Variants in SDK2 observed in about 807,000 individuals in gnomAD.
SDK2 encodes the protein protein sidekick-2.
A neutral mutation model predicts 253.9 loss-of-function variants in SDK2; 105 were observed. That is an observed-to-expected ratio of 0.41 (90% CI 0.35 to 0.49). The LOEUF (loss-of-function observed/expected upper bound fraction) is 0.49, where lower values mean the gene tolerates loss of function less well. Among genes scored for constraint, SDK2 ranks in the 20% least tolerant of loss-of-function variants. SDK2 has a pLI of 0.06. For synonymous variants in SDK2, 1,249 were observed against 1,234.9 expected, an observed-to-expected ratio of 1.01 and a Z score of -0.24; for missense variants, 2,608 against 3,003.0, an observed-to-expected ratio of 0.87 and a Z score of 3.07.
chr17:73,592,140 G>A (rs2045691282), intron 1 of SDK2, among the ~76,000 whole-genome samples: 1 of 152,220 alleles, frequency 6.6e-6, no homozygotes, highest in African/African-American at 2.4e-5. Context: ...CTGTCTACCA[G>A]TAGCCCTTGC....
intron 1 of SDK2, among the ~76,000 whole-genome samples, chr17:73,559,593 CCT>C: frequency 8.3e-6 from 1 of 121,066 alleles, no homozygotes; most frequent in African/African-American, 3.6e-5. Context: ...CACTCCGCTC[CCT>C]GTGCCCCCCG....
intron 15 of SDK2, 104 bp from the exon 16 acceptor site, chr17:73,419,410 G>A (rs1599548326): frequency 9.3e-6 from 12 of 1,285,942 alleles, no homozygotes; most frequent in African/African-American, 1.5e-5. Context: ...TGGATAATTC[G>A]GTACAACTGC....
chr17:73,449,979 C>G (rs2063480373), intron 4 of SDK2, among the ~76,000 whole-genome samples: 2 of 152,124 alleles, frequency 1.3e-5, no homozygotes, highest in Admixed American at 1.3e-4. Context: ...CAGGAGAGTC[C>G]TTTTAACCTC....
rs545623622 is a variant in SDK2, at chr17:73,365,190, G to T, written c.5305+68C>A. ...TCACTCATGTGTAGTGGCTGTGATG[G>T]GCGCTGAGATGAGAGCGAGCTTTTG... On this transcript the variant is annotated intron_variant, in intron 38 of 44. Coordinates refer to ENST00000392650, the MANE Select transcript of SDK2 (RefSeq NM_001144952.2). 2.6e-5 allele frequency: 32 copies of T among 1,242,892 alleles called. No individual in the cohort carries two copies. The African/African-American group carries it at 4.6e-4, about 18-fold the overall frequency. 77.0% of individuals were successfully genotyped at this position (1,242,892 alleles called of 1,614,324 possible).
intron 1 of SDK2, among the ~76,000 whole-genome samples, chr17:73,590,922 T>C (rs1278773787): frequency 6.6e-6 from 1 of 152,180 alleles, no homozygotes; most frequent in East Asian, 1.9e-4. Context: ...TGTTTATGTT[T>C]ATTTATTTAT....
At chr17:73,475,635 G>A (rs2063681237) in intron 2 of SDK2, among the ~76,000 whole-genome samples, 1 of 152,240 alleles carries the variant, frequency 6.6e-6, no homozygotes, top group Admixed American at 6.5e-5. Context: ...CATGTTATGA[G>A]AGGAGGTAGG....
chr17:73,610,446 A>G (rs1377511933), intron 1 of SDK2, among the ~76,000 whole-genome samples: 1 of 152,232 alleles, frequency 6.6e-6, no homozygotes, highest in African/African-American at 2.4e-5. Flanking sequence ...ATTTTGGCCC[A>G]GCACGCATTC....
At chr17:73,397,623 G>A (rs925635040) in intron 24 of SDK2, among the ~76,000 whole-genome samples, 9 of 152,308 alleles carry the variant, frequency 5.9e-5, no homozygotes, top group South Asian at 4.1e-4. Flanking sequence ...CACACAGCCC[G>A]GATCTGGGGA....
intron 1 of SDK2, among the ~76,000 whole-genome samples, chr17:73,592,217 G>T (rs1418324012): frequency 2.6e-5 from 4 of 152,232 alleles, no homozygotes; most frequent in Non-Finnish European, 5.9e-5. Flanking sequence ...CCACAGCCAT[G>T]CCTCCGTGGG....
At chr17:73,611,766 C>A (rs1473086195) in intron 1 of SDK2, among the ~76,000 whole-genome samples, 1 of 152,254 alleles carries the variant, frequency 6.6e-6, no homozygotes, top group African/African-American at 2.4e-5. Context: ...CTATTGGGAC[C>A]CACGTCCTTG....
intron 19 of SDK2, 65 bp downstream of exon 19, chr17:73,401,881 C>A: frequency 7.1e-7 from 1 of 1,414,936 alleles, no homozygotes. Context: ...CACCCTTCTG[C>A]CTGGGGCGCC....
At chr17:73,416,131 G>T (rs562959932) in intron 16 of SDK2, 139 bp from the exon 17 acceptor site, 37 of 659,876 alleles carry the variant, frequency 5.6e-5, no homozygotes, top group Non-Finnish European at 8.8e-5. Flanking sequence ...GTCCGACAGG[G>T]TGCCCGCCAG....
intron 30 of SDK2, among the ~76,000 whole-genome samples, chr17:73,387,376 G>C (rs1019411063): frequency 2.6e-5 from 4 of 152,112 alleles, no homozygotes; most frequent in African/African-American, 7.2e-5. Flanking sequence ...TTAGATTTAT[G>C]GGGGGTGGGA....
chr17:73,580,395 C>A (rs2045518368), intron 1 of SDK2, among the ~76,000 whole-genome samples: 1 of 152,254 alleles, frequency 6.6e-6, no homozygotes, highest in South Asian at 2.1e-4. Flanking sequence ...GCACCCCTTT[C>A]CATGGGGCCC....
rs926249943 is a variant in SDK2, at chr17:73,465,699, A to C, written c.331+6413T>G. 6.6e-6 allele frequency among the ~76,000 whole-genome samples: 1 copy of C among 152,166 alleles called. No homozygotes were observed. Among genetic ancestry groups the C allele is most frequent in the Non-Finnish European group, 1.5e-5 (1 of 68,024 alleles). On this transcript the variant is annotated intron_variant, in intron 3 of 44. Coordinates refer to ENST00000392650, the MANE Select transcript of SDK2 (RefSeq NM_001144952.2). This position sits in a 1 kb window ranked among gnomAD's most constrained non-coding sequence, Gnocchi z 4.2. ...TTTTAACGACTTTGCCATTATCATT[A>C]GTTGTTAGCACAGCTGCCTTATTAA...
chr17:73,383,846 C>G lies in SDK2; in HGVS notation c.4705+30G>C. On this transcript the variant is annotated intron_variant, in intron 33 of 44. Transcript: ENST00000392650. The surrounding 1 kb of genome is among the most constrained non-coding windows in gnomAD (Gnocchi z 4.3). ...GTGAGGGTGACCGCCCCCATCCCAC[C>G]CATTCCTCTGGCTCCCAAGTGTCAC... The G allele has an allele frequency of 6.2e-7, 1 of 1,612,918 alleles. No homozygotes were observed.
intron 1 of SDK2, among the ~76,000 whole-genome samples, chr17:73,630,493 C>T (rs1041975302): frequency 6.6e-6 from 1 of 150,748 alleles, no homozygotes; most frequent in Admixed American, 6.6e-5. Flanking sequence ...CCCCAGGTTC[C>T]CCCAGGGCCT....
intron 2 of SDK2, among the ~76,000 whole-genome samples, chr17:73,498,107 C>G (rs553289553): frequency 6.6e-6 from 1 of 152,308 alleles, no homozygotes; most frequent in African/African-American, 2.4e-5. Context: ...TGCTTCTACA[C>G]ATGGGGGCCA....
In SDK2 at chr17:73,423,478, G is replaced by A; in HGVS notation, c.1805C>T (p.Thr602Ile). ...CAGGTTGATGGCTCGCCTTTCCACG[G>A]TGCTGAGAGTGGCCACTGGGTGCTC... ...APEHPVATLS[T>I]VERRAINLTW... The change falls in exon 14 of 45, where the codon ACC (threonine) becomes ATC (isoleucine). Residue 602 changes from threonine to isoleucine, a missense_variant. This residue lies in a region of SDK2 where 1,505 missense variants were observed against 1,859.1 expected (regional missense o/e 0.81). Coordinates refer to ENST00000392650, the MANE Select transcript of SDK2 (RefSeq NM_001144952.2). The A allele has an allele frequency of 6.3e-7, 1 of 1,592,078 alleles. No individual in the cohort carries two copies. Among genetic ancestry groups the A allele is most frequent in the Non-Finnish European group, 8.6e-7 (1 of 1,167,042 alleles).
Sources: gnomAD v4.1 joint callset for allele counts (sites outside exome capture counted in the v4.1 genomes callset) on GRCh38, gnomAD v4.1.1 for gene constraint, gnomAD v4.1.1 regional missense constraint, Gnocchi (gnomAD v3.1) non-coding constraint, MANE v1.5 for transcripts, NCBI Gene and HGNC (gene_info 2026-07-23, HGNC 2026-07-21) for gene names.